The following ADCY1 variants were observed in gnomAD, a reference collection of about 807,000 sequenced individuals.
ADCY1 encodes the protein adenylate cyclase type 1.
In ADCY1, 28 loss-of-function variants were observed where a neutral mutation model predicts 105.4. The ratio of observed to expected loss-of-function variants is 0.27; its 90% CI spans 0.20 to 0.36. The LOEUF (loss-of-function observed/expected upper bound fraction) is 0.36. ADCY1 is among the 10% of genes least tolerant of loss of function. ADCY1 has a pLI of 1.00. For synonymous variants in ADCY1, 655 were observed against 623.8 expected (o/e 1.05, Z -0.75); for missense variants, 977 against 1,434.2 (o/e 0.68, Z 5.15).
chr7:45,700,882 CAG>C (rs1413008151), intron 14 of ADCY1, among the ~76,000 whole-genome samples: 4 of 152,194 alleles, frequency 2.6e-5, no homozygotes, highest in Non-Finnish European at 4.4e-5. Flanking sequence ...TGTCGGCACA[CAG>C]GGAGTTGCCA....
intron 1 of ADCY1, among the ~76,000 whole-genome samples, 173 bp from the exon 2 acceptor site, chr7:45,592,586 G>A (rs888137577): frequency 6.6e-6 from 1 of 152,218 alleles, no homozygotes; most frequent in Non-Finnish European, 1.5e-5. Flanking sequence ...CCCGGACAGG[G>A]TGAGGACGAG....
In ADCY1 at chr7:45,703,255, CG is replaced by C. The variant is rs1206477576; in HGVS notation, c.2455-120del. ...ATCTAGTGGGGAGGAGGGACAGGAG[CG>C]TGGATGTAGACCATCAGCACACCTG... On this transcript the variant is annotated intron_variant, in intron 14 of 19. Transcript: ENST00000297323. This position sits in a 1 kb window ranked among gnomAD's most constrained non-coding sequence, Gnocchi z 5.9. 20 of 860,074 alleles carry C rather than the reference CG, an allele frequency of 2.3e-5. No individual in the cohort carries two copies. Among genetic ancestry groups the C allele is most frequent in the Non-Finnish European group, 2.4e-5 (12 of 508,940 alleles). The allele number at this position is 860,074 out of a possible 1,614,324, so 53.3% of individuals were successfully genotyped here. A position where few individuals can be genotyped will look rare whatever the true frequency, so the allele number is the denominator to read the frequency against.
intron 7 of ADCY1, among the ~76,000 whole-genome samples, chr7:45,660,645 T>C (rs1795070612): frequency 6.6e-6 from 1 of 152,126 alleles, no homozygotes; most frequent in Non-Finnish European, 1.5e-5. Flanking sequence ...ACTTTCAGGG[T>C]CCATGTGAGG....
chr7:45,654,000 C>T (rs960075956), intron 5 of ADCY1, among the ~76,000 whole-genome samples: 7 of 152,194 alleles, frequency 4.6e-5, no homozygotes, highest in Non-Finnish European at 8.8e-5. Flanking sequence ...CCTTAATTTT[C>T]TTTGCAGTAA....
intron 4 of ADCY1, among the ~76,000 whole-genome samples, chr7:45,629,150 C>T (rs956602279): frequency 1.2e-4 from 18 of 152,340 alleles, no homozygotes; most frequent in Admixed American, 1.2e-3. Flanking sequence ...AATTTGCTTT[C>T]TATCACTACA....
chr7:45,707,542 C>G (rs984588369), intron 17 of ADCY1, among the ~76,000 whole-genome samples: 3 of 152,156 alleles, frequency 2.0e-5, no homozygotes, highest in Non-Finnish European at 4.4e-5. Flanking sequence ...AATGAACAGA[C>G]AGCAGGGAGG....
chr7:45,693,200 G>C (rs1784815434), intron 14 of ADCY1, among the ~76,000 whole-genome samples: 1 of 151,956 alleles, frequency 6.6e-6, no homozygotes, highest in Non-Finnish European at 1.5e-5. Flanking sequence ...GATCATGGTG[G>C]ATAAGCTTTT....
chr7:45,696,539 C>T (rs1029383447), intron 14 of ADCY1, among the ~76,000 whole-genome samples: 1 of 151,974 alleles, frequency 6.6e-6, no homozygotes, highest in Non-Finnish European at 1.5e-5. Flanking sequence ...CAGTTAGTGT[C>T]CATGTGGAGT....
At chr7:45,669,987 G>A (rs1784333641) in intron 8 of ADCY1, among the ~76,000 whole-genome samples, 1 of 152,188 alleles carries the variant, frequency 6.6e-6, no homozygotes, top group Non-Finnish European at 1.5e-5. Context: ...TGGGTTAGAA[G>A]TAATAGTATA....
chr7:45,610,995 G>GCA, intron 3 of ADCY1, among the ~76,000 whole-genome samples: 1 of 150,726 alleles, frequency 6.6e-6, no homozygotes, highest in Non-Finnish European at 1.5e-5. Context: ...GATAGTGGAA[G>GCA]TGTGGAGGTG....
intron 3 of ADCY1, among the ~76,000 whole-genome samples, chr7:45,620,666 G>A (rs2115917149): frequency 6.6e-6 from 1 of 152,224 alleles, no homozygotes; most frequent in Middle Eastern, 3.4e-3. Flanking sequence ...AAAGATATGA[G>A]AACAATTTTG....
intron 2 of ADCY1, among the ~76,000 whole-genome samples, chr7:45,594,025 C>T (rs557281501): frequency 1.3e-5 from 2 of 152,210 alleles, no homozygotes; most frequent in East Asian, 3.9e-4. Context: ...GCCTTTGCCT[C>T]TGTACATGTG....
intron 14 of ADCY1, among the ~76,000 whole-genome samples, chr7:45,701,453 T>C (rs1230334284): frequency 6.6e-6 from 1 of 152,158 alleles, no homozygotes; most frequent in African/African-American, 2.4e-5. Flanking sequence ...TGGTTTTTAA[T>C]CAAAGCATAT....
intron 2 of ADCY1, among the ~76,000 whole-genome samples, chr7:45,600,059 T>C (rs1430231798): frequency 6.6e-6 from 1 of 152,242 alleles, no homozygotes; most frequent in African/African-American, 2.4e-5. Context: ...AGAAGCCACA[T>C]GCCAAGATAT....
chr7:45,700,315 C>A (rs964585493), intron 14 of ADCY1, among the ~76,000 whole-genome samples: 3 of 152,202 alleles, frequency 2.0e-5, no homozygotes, highest in Admixed American at 6.5e-5. Context: ...CTTTCTTCGT[C>A]CCGTCGGTGG....
chr7:45,674,018 GT>G (rs1307318080), intron 8 of ADCY1, among the ~76,000 whole-genome samples: 2,005 of 80,674 alleles, frequency 0.025, 28 homozygotes, highest in Middle Eastern at 0.083. Flanking sequence ...TGTTTTTGTT[GT>G]TTTTTTTTTT....
intron 14 of ADCY1, among the ~76,000 whole-genome samples, chr7:45,697,746 C>T (rs1332942575): frequency 6.6e-6 from 1 of 152,212 alleles, no homozygotes; most frequent in Admixed American, 6.5e-5. Flanking sequence ...ACACTGGACA[C>T]AGCCCTGCCT....
Position 45,622,722 on chromosome 7 carries a change from C to T in ADCY1, c.999C>T (p.Gly333=). 1 of 1,613,946 alleles carries T rather than the reference C, an allele frequency of 6.2e-7. No homozygotes were observed. Among genetic ancestry groups the T allele is most frequent in the Non-Finnish European group, 8.5e-7 (1 of 1,179,968 alleles). Residue 333 remains glycine, a synonymous_variant, in exon 4 of 20, where the codon GGC becomes GGT. Transcript: ENST00000297323. ...ELVKLLNELF[G]KFDELATENH... ...TGAAACTCCTCAATGAGCTCTTCGGCAAGTTCGATGAATTAGCCACGGTAA... is the reference window on the plus strand; with the variant it reads ...TGAAACTCCTCAATGAGCTCTTCGGTAAGTTCGATGAATTAGCCACGGTAA...
chr7:45,590,551 C>T (rs972671183), intron 1 of ADCY1, among the ~76,000 whole-genome samples: 7 of 152,188 alleles, frequency 4.6e-5, no homozygotes, highest in Admixed American at 1.3e-4. Flanking sequence ...TGATTCTGAG[C>T]GCTGAACACA....
Sources: allele counts gnomAD v4.1 joint callset (sites outside exome capture counted in the v4.1 genomes callset), GRCh38; gene constraint gnomAD v4.1.1; non-coding constraint Gnocchi (gnomAD v3.1); transcripts MANE v1.5; gene names NCBI Gene and HGNC (gene_info 2026-07-23, HGNC 2026-07-21).